Variants in SLC14A2 observed in about 807,000 individuals in gnomAD.
The protein encoded by SLC14A2 is urea transporter 2.
Under a neutral mutation model 104.6 loss-of-function variants are expected in SLC14A2, and 91 were observed. That is an observed-to-expected ratio of 0.87 (90% CI 0.73 to 1.04). SLC14A2 has a LOEUF of 1.04. SLC14A2 is among the 50% of genes least tolerant of loss of function. The pLI is 0.00. For synonymous variants in SLC14A2, 476 were observed against 466.4 expected, an observed-to-expected ratio of 1.02 and a Z score of -0.27; for missense variants, 1,189 against 1,156.0, an observed-to-expected ratio of 1.03 and a Z score of -0.41.
At chr18:45,221,323 C>A (rs1262340420) in intron 1 of SLC14A2, among the ~76,000 whole-genome samples, 1 of 152,150 alleles carries the variant, frequency 6.6e-6, no homozygotes, top group East Asian at 1.9e-4. Flanking sequence ...ATCCTTATTG[C>A]ATTATTAAAG....
intron 2 of SLC14A2, among the ~76,000 whole-genome samples, chr18:45,561,027 A>C (rs1306385658): frequency 6.6e-6 from 1 of 152,206 alleles, no homozygotes; most frequent in Middle Eastern, 3.2e-3. Context: ...AGATATAAGC[A>C]ACAGCACAGG....
chr18:45,438,570 G>A (rs2086633648), intron 1 of SLC14A2, among the ~76,000 whole-genome samples: 1 of 152,212 alleles, frequency 6.6e-6, no homozygotes, highest in Admixed American at 6.5e-5. Context: ...CTGTGTTTAA[G>A]ATGATTTATA....
In SLC14A2 at chr18:45,625,248, AG is replaced by A. The variant is rs574330793; in HGVS notation, c.151-433del. 8.3e-4 allele frequency among the ~76,000 whole-genome samples: 126 copies of A among 152,294 alleles called. 1 individual carries two copies. Among genetic ancestry groups the A allele is most frequent in the African/African-American group, 3.0e-3 (123 of 41,564 alleles). ...AGAGCTGTCCTGACTTGCGATGAGG[AG>A]GTCCCATATCTTTACTCATCACTAC... is the stretch of plus-strand genomic sequence containing the variant. On this transcript the variant is annotated intron_variant, in intron 2 of 19. Coordinates refer to ENST00000255226, the MANE Select transcript of SLC14A2 (RefSeq NM_007163.4).
intron 11 of SLC14A2, 60 bp from the exon 12 acceptor site, chr18:45,666,077 C>A: frequency 8.6e-7 from 1 of 1,159,956 alleles, no homozygotes; most frequent in Non-Finnish European, 1.3e-6. Flanking sequence ...AGGACATTAG[C>A]TTCTGAGGTG....
chr18:45,410,485 CTCTT>C (rs964443981), intron 1 of SLC14A2, among the ~76,000 whole-genome samples: 3 of 152,110 alleles, frequency 2.0e-5, no homozygotes, highest in African/African-American at 7.2e-5. Flanking sequence ...TATAAACTCT[CTCTT>C]AAAATGTTTT....
At chr18:45,679,696 C>T (rs2046284494) in intron 19 of SLC14A2, among the ~76,000 whole-genome samples, 1 of 152,200 alleles carries the variant, frequency 6.6e-6, no homozygotes, top group African/African-American at 2.4e-5. Flanking sequence ...AGGGAGTGGG[C>T]ATTCTAGTAA....
chr18:45,663,076 C>T (rs2045959041), intron 10 of SLC14A2, among the ~76,000 whole-genome samples: 2 of 152,208 alleles, frequency 1.3e-5, no homozygotes, highest in Non-Finnish European at 2.9e-5. Flanking sequence ...AGACTCAGCA[C>T]TCCTAGCTCC....
At chr18:45,506,682 C>T (rs2043291390) in intron 2 of SLC14A2, among the ~76,000 whole-genome samples, 1 of 152,202 alleles carries the variant, frequency 6.6e-6, no homozygotes, top group Non-Finnish European at 1.5e-5. Context: ...AATTTTTTCT[C>T]TAGTGCCTCC....
intron 1 of SLC14A2, among the ~76,000 whole-genome samples, chr18:45,302,750 T>G (rs1178311546): frequency 2.0e-5 from 3 of 152,222 alleles, no homozygotes; most frequent in Non-Finnish European, 4.4e-5. Flanking sequence ...CAGAATATAT[T>G]AGATGCCATC....
intron 1 of SLC14A2, among the ~76,000 whole-genome samples, chr18:45,439,108 G>A (rs1439823381): frequency 1.3e-5 from 2 of 152,148 alleles, no homozygotes; most frequent in African/African-American, 2.4e-5. Flanking sequence ...AATATGGCCA[G>A]GTGCCATCTC....
At position 45,285,668 on chromosome 18, in the gene SLC14A2, C is replaced by G. The variant is rs895284953; in HGVS notation, c.-125+72477C>G. On this transcript the variant is annotated intron_variant, in intron 1 of 20. Transcript: ENST00000586448. ...CCTGACCTCAGGTGATCTGCCCCCC[C>G]CCCCCCTCGGCCTCCCAAAGTGCTG... 1.3e-4 allele frequency among the ~76,000 whole-genome samples: 13 copies of G among 96,318 alleles called. 1 individual carries two copies. In the South Asian group the frequency reaches 3.2e-3, roughly 24 times the overall value. 63.2% of individuals were successfully genotyped at this position (96,318 alleles called of 152,430 possible). A position where few individuals can be genotyped will look rare whatever the true frequency, so the allele number is the denominator to read the frequency against.
At chr18:45,249,906 G>A (rs1354280429) in intron 1 of SLC14A2, among the ~76,000 whole-genome samples, 1 of 152,040 alleles carries the variant, frequency 6.6e-6, no homozygotes, top group Non-Finnish European at 1.5e-5. Context: ...CTATGATTGT[G>A]CTGCTGTACT....
At chr18:45,678,550 C>A (rs531037630) in intron 18 of SLC14A2, among the ~76,000 whole-genome samples, 1 of 152,216 alleles carries the variant, frequency 6.6e-6, no homozygotes, top group African/African-American at 2.4e-5. Flanking sequence ...TCTAGTCTTC[C>A]TCAAGCTTTC....
chr18:45,550,225 A>T (rs138030780), intron 2 of SLC14A2: 47 of 152,310 alleles, frequency 3.1e-4, no homozygotes, highest in African/African-American at 1.1e-3. Context: ...CTTGCCAAGC[A>T]AGTTGGGGCT....
At chr18:45,244,709 T>C (rs2084351417) in intron 1 of SLC14A2, among the ~76,000 whole-genome samples, 2 of 151,998 alleles carry the variant, frequency 1.3e-5, no homozygotes, top group African/African-American at 4.8e-5. Context: ...AAAGCCCAAA[T>C]CAGCAAGAAA....
intron 1 of SLC14A2, among the ~76,000 whole-genome samples, chr18:45,239,027 A>G (rs942958509): frequency 6.6e-6 from 1 of 152,228 alleles, no homozygotes; most frequent in Non-Finnish European, 1.5e-5. Flanking sequence ...AGATAAAAAG[A>G]AAAGGTGTAT....
intron 1 of SLC14A2, among the ~76,000 whole-genome samples, chr18:45,419,877 A>G (rs1241801626): frequency 2.0e-5 from 3 of 152,116 alleles, no homozygotes; most frequent in Non-Finnish European, 4.4e-5. Flanking sequence ...TGCTAATAGT[A>G]CTCAATATGA....
rs1451401000 is a variant in SLC14A2 at position 45,514,837 on chromosome 18, C to T, written c.-35+31515C>T. ...CTTTTGCTTATACTGCACTGGGTGG[C>T]TATTAATATATCCATTAATATCCAT... On this transcript the variant is annotated intron_variant, in intron 2 of 20. Transcript: ENST00000586448. Among the ~76,000 whole-genome samples, 4 of 152,114 alleles carry T rather than the reference C, an allele frequency of 2.6e-5. No homozygotes were observed. In the East Asian group the frequency reaches 7.7e-4, roughly 29 times the overall value.
chr18:45,510,489 C>A (rs2043350502), intron 2 of SLC14A2, among the ~76,000 whole-genome samples: 1 of 152,144 alleles, frequency 6.6e-6, no homozygotes, highest in South Asian at 2.1e-4. Context: ...AACCCTGCCA[C>A]CAGTGGAGTG....
Sources: allele counts gnomAD v4.1 joint callset (sites outside exome capture counted in the v4.1 genomes callset), GRCh38; gene constraint gnomAD v4.1.1; transcripts MANE v1.5; gene names NCBI Gene and HGNC (gene_info 2026-07-23, HGNC 2026-07-21).